The following PGAP3 variants were observed in gnomAD, a reference collection of about 807,000 sequenced individuals.
The protein encoded by PGAP3 is post-GPI attachment to proteins phospholipase 3.
Under a neutral mutation model 40.3 loss-of-function variants are expected in PGAP3, and 31 were observed. The ratio of observed to expected loss-of-function variants is 0.77; its 90% CI spans 0.58 to 1.04. PGAP3 has a LOEUF of 1.04. PGAP3 is among the 50% of genes least tolerant of loss of function. The pLI, the probability that PGAP3 is intolerant of heterozygous loss-of-function variation, is 0.00. For synonymous variants in PGAP3, 191 were observed against 184.5 expected, an observed-to-expected ratio of 1.04 and a Z score of -0.29; for missense variants, 413 against 423.0, an observed-to-expected ratio of 0.98 and a Z score of 0.21.
At chr17:39,673,733 A>G (rs2057339903) in intron 5 of PGAP3, 83 bp from the exon 6 acceptor site, 1 of 1,557,408 alleles carries the variant, frequency 6.4e-7, no homozygotes, top group African/African-American at 1.4e-5. Context: ...TCCCCCCAAC[A>G]TTGGTGCATG....
intron 2 of PGAP3, 137 bp downstream of exon 2, chr17:39,685,785 T>C (rs1476996997): frequency 2.9e-6 from 2 of 688,556 alleles, no homozygotes; most frequent in Non-Finnish European, 4.9e-6. Flanking sequence ...CAGCAGATTT[T>C]GGGGAGAACA....
chr17:39,686,650 C>T (rs774824180), intron 1 of PGAP3, among the ~76,000 whole-genome samples: 3 of 150,226 alleles, frequency 2.0e-5, no homozygotes, highest in Non-Finnish European at 4.4e-5. Flanking sequence ...GCCTTGACCT[C>T]CTGGGCTCAA....
chr17:39,687,015 T>A (rs1004008532), intron 1 of PGAP3, among the ~76,000 whole-genome samples: 8 of 152,224 alleles, frequency 5.3e-5, no homozygotes, highest in African/African-American at 1.9e-4. Context: ...TCCAACCGTA[T>A]TGGTCACTAC....
intron 4 of PGAP3, 112 bp from the exon 5 acceptor site, chr17:39,674,166 A>G (rs2057347095): frequency 6.6e-6 from 7 of 1,055,030 alleles, no homozygotes; most frequent in Admixed American, 5.7e-5. Context: ...GGGCCTGCCT[A>G]TCACTGTTTC....
intron 3 of PGAP3, among the ~76,000 whole-genome samples, chr17:39,679,336 T>G (rs894490418): frequency 3.9e-5 from 6 of 152,044 alleles, no homozygotes; most frequent in African/African-American, 1.2e-4. Flanking sequence ...GGAAGCTGAG[T>G]TGCAGATACC....
chr17:39,685,470 C>T (rs571428736), intron 2 of PGAP3, among the ~76,000 whole-genome samples: 31 of 148,806 alleles, frequency 2.1e-4, no homozygotes, highest in South Asian at 6.4e-4. Context: ...CCAGCCTGGG[C>T]GACAGAGGGA....
chr17:39,683,890 C>T (rs910764259), intron 3 of PGAP3, among the ~76,000 whole-genome samples: 7 of 151,896 alleles, frequency 4.6e-5, no homozygotes, highest in African/African-American at 1.7e-4. Context: ...TTTGGGAGGC[C>T]GAGGTGGGTG....
In PGAP3 at chr17:39,681,569, C is replaced by T. The variant is rs1301823438; in HGVS notation, c.432+3028G>A. ...TGTTGCCCAGGCGGGAGTGCAATGG[C>T]GTGATCTCAGCTCACCGCAACCTCC... On this transcript the variant is annotated intron_variant, in intron 3 of 7. Transcript: ENST00000300658. Among the ~76,000 whole-genome samples, 4 of 152,018 alleles carry T rather than the reference C, an allele frequency of 2.6e-5. No individual in the cohort carries two copies. In the East Asian group the frequency reaches 7.7e-4, roughly 29 times the overall value.
At chr17:39,673,284 C>G in intron 6 of PGAP3, 29 bp from the exon 7 acceptor site, 1 of 1,553,730 alleles carries the variant, frequency 6.4e-7, no homozygotes, top group Non-Finnish European at 8.7e-7. Context: ...AGGAGAGACT[C>G]ATTCCTTCGG....
rs367611030 is a variant in PGAP3 at position 39,687,815 on chromosome 17, C to A, written c.181+19G>T. 231 of 1,382,038 alleles carry A rather than the reference C, an allele frequency of 1.7e-4. No homozygotes were observed. Among genetic ancestry groups the A allele is most frequent in the Middle Eastern group, 1.1e-3 (5 of 4,658 alleles). The allele number at this position is 1,382,038 out of a possible 1,614,324, so 85.6% of individuals were successfully genotyped here. ...GAGCAAGACAAATGGGCGGGGCTTA[C>A]CGTGGGGGTGGGGCTTACCTGCTAG... On this transcript the variant is annotated intron_variant, in intron 1 of 7. Transcript: ENST00000300658.
At chr17:39,687,608 C>A (rs2145163768) in intron 1 of PGAP3, among the ~76,000 whole-genome samples, 1 of 152,254 alleles carries the variant, frequency 6.6e-6, no homozygotes, top group African/African-American at 2.4e-5. Context: ...GACATTGTGG[C>A]CCGAATGTAT....
chr17:39,675,048 ACC>A (rs1469894442), intron 3 of PGAP3, among the ~76,000 whole-genome samples: 9 of 37,170 alleles, frequency 2.4e-4, no homozygotes, highest in Admixed American at 9.1e-4. Context: ...GCACCACCCC[ACC>A]CGGGCCCAGG....
intron 3 of PGAP3, among the ~76,000 whole-genome samples, chr17:39,684,099 TG>T (rs1310321442): frequency 8.2e-6 from 1 of 122,370 alleles, no homozygotes; most frequent in African/African-American, 3.4e-5. Flanking sequence ...CACTCCAGCC[TG>T]GGTGACACAG....
chr17:39,685,809 A>AAC, intron 2 of PGAP3, 113 bp downstream of exon 2: 1 of 936,574 alleles, frequency 1.1e-6, no homozygotes, highest in East Asian at 2.9e-5. Flanking sequence ...AGCTGCCCCA[A>AAC]ACACACACGC....
chr17:39,681,114 CT>C (rs2057434891), intron 3 of PGAP3, among the ~76,000 whole-genome samples: 1 of 152,210 alleles, frequency 6.6e-6, no homozygotes, highest in Non-Finnish European at 1.5e-5. Flanking sequence ...AATCCGCCCA[CT>C]TCAGCCTTCC....
At chr17:39,678,224 T>G (rs190788437) in intron 3 of PGAP3, among the ~76,000 whole-genome samples, 1 of 152,184 alleles carries the variant, frequency 6.6e-6, no homozygotes, top group Non-Finnish European at 1.5e-5. Flanking sequence ...TACCTCTTCT[T>G]GTAGTTTGCT....
intron 5 of PGAP3, 106 bp downstream of exon 5, chr17:39,673,887 G>T: frequency 7.3e-7 from 1 of 1,371,712 alleles, no homozygotes. Flanking sequence ...GTTGGGGGGC[G>T]TAGGTGTTGG....
In PGAP3 at chr17:39,685,898, G is replaced by T. The variant is rs750095141; in HGVS notation, c.279+24C>A. On this transcript the variant is annotated intron_variant, in intron 2 of 7. Transcript: ENST00000300658. ...TACTCCTACCACGCTACTACCATAT[G>T]CCTACCCTGACCCTCCAACTCACCT... 3 of 1,597,022 alleles carry T rather than the reference G, an allele frequency of 1.9e-6. No individual in the cohort carries two copies. The Admixed American group carries it at 5.0e-5, about 27-fold the overall frequency.
Position 39,685,976 on chromosome 17 carries a change from G to A in PGAP3, c.225C>T (p.Val75=), listed in dbSNP as rs1445023962. The A allele has an allele frequency of 3.1e-6, 5 of 1,613,470 alleles. No individual in the cohort carries two copies. The highest frequency in any genetic ancestry group is 4.2e-6 in the Non-Finnish European group (5 of 1,179,610). ...RDDCKYECMW[V]TVGLYLQEGH... is the part of the protein sequence containing the mutation. ...CTTCCTGGAGGTAGAGCCCAACGGT[G>A]ACCCACATACACTCATACTTACAGT... is the stretch of plus-strand genomic sequence containing the variant. Residue 75 remains valine (V), a synonymous_variant, in exon 2 of 8, where the codon GTC becomes GTT. Transcript: ENST00000300658.
Sources: gnomAD v4.1 joint callset for allele counts (sites outside exome capture counted in the v4.1 genomes callset) on GRCh38, gnomAD v4.1.1 for gene constraint, MANE v1.5 for transcripts, NCBI Gene and HGNC (gene_info 2026-07-23, HGNC 2026-07-21) for gene names.